The following EXOC6 variants were observed in gnomAD, a reference collection of about 807,000 sequenced individuals.
The protein encoded by EXOC6 is SEC15-like 1.
Under a neutral mutation model 112.5 loss-of-function variants are expected in EXOC6, and 60 were observed. The ratio of observed to expected loss-of-function variants is 0.53; its 90% CI spans 0.43 to 0.66. EXOC6 has a LOEUF of 0.66. EXOC6 is among the 30% of genes least tolerant of loss of function. The pLI, the probability that EXOC6 is intolerant of heterozygous loss-of-function variation, is 0.00. For missense variants in EXOC6, 855 were observed against 957.1 expected (o/e 0.89, Z 1.41); for synonymous variants, 295 against 308.0 (o/e 0.96, Z 0.44).
intron 20 of EXOC6, among the ~76,000 whole-genome samples, chr10:93,050,408 G>A (rs1330808889): frequency 2.6e-5 from 4 of 151,590 alleles, no homozygotes; most frequent in South Asian, 2.1e-4. Context: ...AAAATTAGCC[G>A]GGCGTGGTGG....
intron 20 of EXOC6, among the ~76,000 whole-genome samples, chr10:93,043,248 T>C (rs1845865142): frequency 6.6e-6 from 1 of 152,208 alleles, no homozygotes; most frequent in South Asian, 2.1e-4. Flanking sequence ...ATTATTCTTT[T>C]AAAATGCTGA....
chr10:92,852,784 A>G (rs1251775906), intron 1 of EXOC6, among the ~76,000 whole-genome samples: 2 of 152,192 alleles, frequency 1.3e-5, no homozygotes, highest in African/African-American at 2.4e-5. Flanking sequence ...CAGGGCATCT[A>G]TGAAAATCTA....
intron 14 of EXOC6, 48 bp downstream of exon 14, chr10:92,948,427 A>G: frequency 8.8e-7 from 1 of 1,130,820 alleles, no homozygotes; most frequent in South Asian, 1.5e-5. Flanking sequence ...ATAAATTCAT[A>G]GTATTTGTTA....
Position 92,948,344 on chromosome 10 carries a change from A to G in EXOC6, c.1381A>G (p.Ser461Gly). The change falls in exon 14 of 22, where the codon AGC becomes GGC. Residue 461 changes from serine (S) to glycine (G), a missense_variant. Coordinates refer to ENST00000260762, the MANE Select transcript of EXOC6 (RefSeq NM_019053.6). The stretch of plus-strand genomic sequence containing the variant: ...TGAAGAAGAATATAAAATTGTCATC[A>G]GCAAATTTCCCTTTCAAGATCCAGA... ...VNEEEYKIVI[S>G]KFPFQDPDLE... 6.2e-7 allele frequency: 1 copy of G among 1,607,690 alleles called. No homozygotes were observed. Among genetic ancestry groups the G allele is most frequent in the Non-Finnish European group, 8.5e-7 (1 of 1,177,260 alleles).
chr10:93,045,035 G>A (rs997293878), intron 20 of EXOC6, among the ~76,000 whole-genome samples: 2 of 151,498 alleles, frequency 1.3e-5, no homozygotes, highest in Admixed American at 6.6e-5. Flanking sequence ...ACCACGCCCG[G>A]CTAATTATTG....
At position 93,001,314 on chromosome 10, in the gene EXOC6, C is replaced by A. The variant is rs115673405; in HGVS notation, c.2095+3699C>A. On this transcript the variant is annotated intron_variant, in intron 19 of 21. Transcript: ENST00000260762. ...CTCACACACTCCTCCATCTTGAAAT[C>A]CTTTCTATAATAAACCTGCCAAGTA... is the stretch of plus-strand genomic sequence containing the variant. Among the ~76,000 whole-genome samples the A allele has an allele frequency of 4.6e-3, 701 of 152,318 alleles. 5 individuals are homozygous for A. The highest frequency in any genetic ancestry group is 0.016 in the African/African-American group (654 of 41,570).
chr10:92,827,656 T>A (rs1453544996), intron 1 of EXOC6, among the ~76,000 whole-genome samples: 1 of 152,048 alleles, frequency 6.6e-6, no homozygotes, highest in Non-Finnish European at 1.5e-5. Flanking sequence ...AAGAAAAAGC[T>A]GCTGCTATCT....
At chr10:92,874,141 TCA>T (rs1033915738) in intron 1 of EXOC6, among the ~76,000 whole-genome samples, 25 of 152,106 alleles carry the variant, frequency 1.6e-4, no homozygotes, top group African/African-American at 5.6e-4. Flanking sequence ...CTAGAAACTC[TCA>T]GTTACTCTGT....
chr10:92,902,026 CAAAAA>C (rs572051101), intron 5 of EXOC6, among the ~76,000 whole-genome samples: 177 of 151,382 alleles, frequency 1.2e-3, no homozygotes, highest in African/African-American at 4.1e-3. Flanking sequence ...AAAACAAAAA[CAAAAA>C]CAAGGAACTA....
intron 20 of EXOC6, among the ~76,000 whole-genome samples, chr10:93,039,311 T>A (rs1441679043): frequency 6.6e-6 from 1 of 152,200 alleles, no homozygotes; most frequent in Non-Finnish European, 1.5e-5. Context: ...TATATTTCTC[T>A]CCTTTTCTTT....
At chr10:92,911,967 GTGTGTGTT>G (rs1454289151) in intron 6 of EXOC6, among the ~76,000 whole-genome samples, 20 of 133,618 alleles carry the variant, frequency 1.5e-4, no homozygotes, top group Non-Finnish European at 5.0e-5. Context: ...GTGTGTGTGT[GTGTGTGTT>G]TGTGTATGTA....
At chr10:92,953,025 A>G (rs1489763754) in intron 15 of EXOC6, among the ~76,000 whole-genome samples, 1 of 152,108 alleles carries the variant, frequency 6.6e-6, no homozygotes, top group Non-Finnish European at 1.5e-5. Flanking sequence ...TATCCCCAAT[A>G]ATGGGACTGC....
chr10:93,055,197 GTTT>G (rs1289931341), intron 20 of EXOC6, among the ~76,000 whole-genome samples: 1 of 152,052 alleles, frequency 6.6e-6, no homozygotes, highest in Non-Finnish European at 1.5e-5. Flanking sequence ...TTTTGGATGG[GTTT>G]TTATGTAACT....
chr10:92,918,189 C>CT (rs1358020074), intron 7 of EXOC6, among the ~76,000 whole-genome samples: 4 of 152,076 alleles, frequency 2.6e-5, no homozygotes, highest in African/African-American at 9.7e-5. Flanking sequence ...TTCTATTGAA[C>CT]TTACCTTTTA....
intron 1 of EXOC6, among the ~76,000 whole-genome samples, chr10:92,891,568 G>A (rs562149560): frequency 6.6e-5 from 10 of 152,200 alleles, no homozygotes; most frequent in Non-Finnish European, 1.5e-4. Context: ...TGCAACCTCT[G>A]CCTCCCGGGT....
At chr10:92,908,772 C>T (rs1402761101) in intron 5 of EXOC6, among the ~76,000 whole-genome samples, 7 of 152,148 alleles carry the variant, frequency 4.6e-5, no homozygotes, top group African/African-American at 1.7e-4. Context: ...AAAGGCTACA[C>T]TTTACTAATT....
At chr10:92,992,739 A>G (rs905364501) in intron 18 of EXOC6, among the ~76,000 whole-genome samples, 2 of 151,994 alleles carry the variant, frequency 1.3e-5, no homozygotes, top group African/African-American at 4.8e-5. Flanking sequence ...ATCTGATGAA[A>G]TACCTCATTC....
intron 18 of EXOC6, among the ~76,000 whole-genome samples, chr10:92,995,883 C>G (rs78995994): frequency 3.9e-5 from 6 of 152,092 alleles, no homozygotes; most frequent in African/African-American, 1.2e-4. Flanking sequence ...TGTCTAAATG[C>G]AAAAAACTCA....
intron 1 of EXOC6, among the ~76,000 whole-genome samples, chr10:92,854,624 G>T (rs1847512334): frequency 1.3e-5 from 2 of 152,136 alleles, no homozygotes; most frequent in Non-Finnish European, 2.9e-5. Flanking sequence ...TGATCATGTG[G>T]TTTTGTCCCT....
Sources: allele counts gnomAD v4.1 joint callset (sites outside exome capture counted in the v4.1 genomes callset), GRCh38; gene constraint gnomAD v4.1.1; transcripts MANE v1.5; gene names NCBI Gene and HGNC (gene_info 2026-07-23, HGNC 2026-07-21).